Variants in IPO4 observed in about 807,000 individuals in gnomAD.
IPO4 encodes importin 4.
A neutral mutation model predicts 133.5 loss-of-function variants in IPO4; 91 were observed. That is an observed-to-expected ratio of 0.68 (90% CI 0.58 to 0.81). The LOEUF (loss-of-function observed/expected upper bound fraction) is 0.81, where lower values mean the gene tolerates loss of function less well. Among genes scored for constraint, IPO4 ranks in the 30% least tolerant of loss-of-function variants. IPO4 has a pLI of 0.00. For synonymous variants in IPO4, 607 were observed against 581.6 expected (o/e 1.04, Z -0.63); for missense variants, 1,279 against 1,386.2 (o/e 0.92, Z 1.23).
rs999071444 is a variant in IPO4, at chr14:24,187,491, T to A, written c.497A>T (p.Glu166Val). The change falls in exon 6 of 30, where the codon GAG becomes GTG. Residue 166 changes from glutamate to valine, a missense_variant. Around this residue, in one of 3 missense-constraint regions of IPO4, gnomAD observed 695 missense variants for 704.1 expected, o/e 0.99. Coordinates refer to ENST00000354464, the MANE Select transcript of IPO4 (RefSeq NM_024658.4). Reference protein sequence around the residue: ...HHRELLRLLNETLGEVGSPGL... With the variant: ...HHRELLRLLNVTLGEVGSPGL... ...AGGAGAGCCCACCTCACCAAGAGTCTCATTCAGAAGCCGAAGAAGCTCCCG... is the reference window on the plus strand; with the variant it reads ...AGGAGAGCCCACCTCACCAAGAGTCACATTCAGAAGCCGAAGAAGCTCCCG... 6.2e-7 allele frequency: 1 copy of A among 1,613,986 alleles called. No homozygotes were observed. The highest frequency in any genetic ancestry group is 8.5e-7 in the Non-Finnish European group (1 of 1,179,970).
intron 28 of IPO4, 147 bp from the exon 29 acceptor site, chr14:24,180,905 A>G: frequency 1.6e-6 from 1 of 629,552 alleles, no homozygotes; most frequent in Non-Finnish European, 2.7e-6. Flanking sequence ...AACTATGAAC[A>G]TGAGAAGAAC....
rs774465976 is a variant in IPO4, at chr14:24,188,392, C to T, written c.188G>A (p.Arg63Lys). The T allele has an allele frequency of 1.5e-5, 24 of 1,612,790 alleles. No homozygotes were observed. Among genetic ancestry groups the T allele is most frequent in the Non-Finnish European group, 1.9e-5 (23 of 1,179,932 alleles). ...IRQFAAVLTR[R>K]RLNTRWRRLA... ...CCGTCGCCAGCGGGTGTTCAGTCGT[C>T]TGCGGGTCAGCACGGCCGCAAACTG... The change falls in exon 3 of 30, where the codon AGA (arginine) becomes AAA (lysine). Residue 63 changes from arginine to lysine, a missense_variant. Physicochemically the swap from Arg to Lys is conservative, Grantham distance 26. Coordinates refer to ENST00000354464, the MANE Select transcript of IPO4 (RefSeq NM_024658.4).
rs759109989 is a variant in IPO4 at position 24,187,667 on chromosome 14, C to T, written c.408G>A (p.Glu136=). The T allele has an allele frequency of 2.5e-6, 4 of 1,613,702 alleles. No homozygotes were observed. In the Admixed American group the frequency reaches 5.0e-5, roughly 20 times the overall value. Residue 136 remains glutamate, a splice_region_variant and synonymous_variant, in exon 5 of 30, where the codon GAG becomes GAA. Coordinates refer to ENST00000354464, the MANE Select transcript of IPO4 (RefSeq NM_024658.4). ...CCTCCTGCCAACCATGTGATGGTACCTCTCTCTCTGGGCTGTGGGGGCTGT... is the reference window on the plus strand; with the variant it reads ...CCTCCTGCCAACCATGTGATGGTACTTCTCTCTCTGGGCTGTGGGGGCTGT... ...STHSPHSPER[E]MGLLLLSVVV...
rs1469459260 is a variant in IPO4 at position 24,184,043 on chromosome 14, G to A, written c.1824C>T (p.Ile608=). The A allele has an allele frequency of 6.2e-6, 10 of 1,612,612 alleles. No homozygotes were observed. Among genetic ancestry groups the A allele is most frequent in the Non-Finnish European group, 5.9e-6 (7 of 1,179,880 alleles). Residue 608 remains isoleucine (I), a synonymous_variant, in exon 18 of 30, where the codon ATC becomes ATT. Coordinates refer to ENST00000354464, the MANE Select transcript of IPO4 (RefSeq NM_024658.4). ...GEGLAPHLEQ[I]TTLMLLSLRS... The stretch of plus-strand genomic sequence containing the variant: ...GCAGTGACAGCAGCATGAGCGTGGT[G>A]ATCTGTTCCAAGTGGGGCGCCAGGC...
chr14:24,184,205 A>G, intron 17 of IPO4, 93 bp downstream of exon 17: 5 of 1,558,818 alleles, frequency 3.2e-6, no homozygotes, highest in Non-Finnish European at 3.5e-6. Flanking sequence ...TCCAAACCAG[A>G]CGACTGGAGT....
At chr14:24,186,508 A>G in intron 9 of IPO4, 57 bp from the exon 10 acceptor site, 1 of 1,517,362 alleles carries the variant, frequency 6.6e-7, no homozygotes, top group East Asian at 2.3e-5. Context: ...ATGGGCTCAC[A>G]TTAAAAATTC....
Position 24,180,463 on chromosome 14 carries a change from C to T in IPO4, c.3225G>A (p.Gln1075=), listed in dbSNP as rs2273912. ...CAGTCTAGGAGAGGCCCAGTACAGC[C>T]TGGAGCTCCTGAGCCTTGTCAACAG... ...SLPVDKAQEL[Q]AVLGLS The change falls in exon 30 of 30, where the codon CAG becomes CAA. Residue 1075 remains glutamine, a synonymous_variant. Coordinates refer to ENST00000354464, the MANE Select transcript of IPO4 (RefSeq NM_024658.4). 172,136 of 1,611,746 alleles carry T rather than the reference C, an allele frequency of 0.11. 10,590 individuals carry two copies. Among genetic ancestry groups the T allele is most frequent in the Admixed American group, 0.28 (16,602 of 59,604 alleles).
rs1033212795 is a variant in IPO4 at position 24,187,815 on chromosome 14, T to G, written c.279-19A>C. On this transcript the variant is annotated intron_variant, in intron 4 of 29. Transcript: ENST00000354464. ...ACAGTGCCTGCAAACAGGAGAGATC[T>G]CCTCCAATCACCCTTCAATACCTTC... The G allele has an allele frequency of 6.2e-7, 1 of 1,613,524 alleles. No individual in the cohort carries two copies. Among genetic ancestry groups the G allele is most frequent in the African/African-American group, 1.3e-5 (1 of 74,916 alleles).
At position 24,183,086 on chromosome 14, in the gene IPO4, C is replaced by T. The variant is rs754826406; in HGVS notation, c.2311G>A (p.Val771Met). Reference protein sequence around the residue: ...RERERQVVMAVLEALTGVLRS... With the variant: ...RERERQVVMAMLEALTGVLRS... ...AGCACCCCTGTCAGGGCCTCCAGCA[C>T]GGCCATCACCACCTGGCGTTCCCGC... is the stretch of plus-strand genomic sequence containing the variant. Residue 771 changes from valine to methionine, a missense_variant, in exon 23 of 30, where the codon GTG (valine) becomes ATG (methionine). Val to Met is a conservative substitution (Grantham distance 21, BLOSUM62 1). Transcript: ENST00000354464. 15 of 1,613,748 alleles carry T rather than the reference C, an allele frequency of 9.3e-6. No homozygotes were observed. Among genetic ancestry groups the T allele is most frequent in the African/African-American group, 2.7e-5 (2 of 74,930 alleles).
In IPO4 at chr14:24,182,090, G is replaced by A. The variant is rs1203980253; in HGVS notation, c.2672C>T (p.Ala891Val). Residue 891 changes from alanine (A) to valine (V), a missense_variant, in exon 26 of 30, where the codon GCT (alanine) becomes GTT (valine). Around this residue, in one of 3 missense-constraint regions of IPO4, gnomAD observed 575 missense variants for 653.4 expected, o/e 0.88. Transcript: ENST00000354464. ...TLAETIQGLG[A>V]ASAQFVSRLL... ...CCGAGACACAAACTGGGCTGAGGCA[G>A]CACCCAGGCCCTGAATAGTCTCTGC... 6.2e-7 allele frequency: 1 copy of A among 1,614,002 alleles called. No homozygotes were observed. Among genetic ancestry groups the A allele is most frequent in the Non-Finnish European group, 8.5e-7 (1 of 1,180,040 alleles).
Position 24,188,391 on chromosome 14 carries a change from T to C in IPO4, c.189A>G (p.Arg63=), listed in dbSNP as rs771234265. Residue 63 remains arginine, a synonymous_variant, in exon 3 of 30, where the codon AGA becomes AGG. Transcript: ENST00000354464. ...IRQFAAVLTR[R]RLNTRWRRLA... is the part of the protein sequence containing the mutation. Reference sequence around the variant, plus strand: ...GCCGTCGCCAGCGGGTGTTCAGTCGTCTGCGGGTCAGCACGGCCGCAAACT... The same window carrying C: ...GCCGTCGCCAGCGGGTGTTCAGTCGCCTGCGGGTCAGCACGGCCGCAAACT... The C allele has an allele frequency of 1.6e-5, 25 of 1,612,718 alleles. No individual in the cohort carries two copies. Among genetic ancestry groups the C allele is most frequent in the East Asian group, 2.2e-5 (1 of 44,876 alleles).
chr14:24,182,487 G>A (rs2039156994), intron 24 of IPO4, 84 bp from the exon 25 acceptor site: 4 of 1,534,060 alleles, frequency 2.6e-6, no homozygotes, highest in Admixed American at 2.0e-5. Context: ...ACCAGCTGCA[G>A]GGGTCCCTGG....
chr14:24,184,561 C>T (rs773210849), intron 16 of IPO4, 89 bp downstream of exon 16: 17 of 1,405,192 alleles, frequency 1.2e-5, no homozygotes, highest in Admixed American at 7.2e-5. Context: ...GGAAGACATC[C>T]GTGCTCCTGT....
chr14:24,184,115 C>A lies in IPO4; in HGVS notation c.1758-6G>T. The A allele has an allele frequency of 6.2e-7, 1 of 1,611,012 alleles. No homozygotes were observed. Among genetic ancestry groups the A allele is most frequent in the South Asian group, 1.1e-5 (1 of 90,852 alleles). On this transcript the variant is annotated splice_region_variant and splice_polypyrimidine_tract_variant and intron_variant, in intron 17 of 29. Transcript: ENST00000354464. ...AGGCTGCAAATAGGCTGTACCTGGT[C>A]AAAGCAGGCAGAAGAAGCTGTAAGG...
At position 24,180,861 on chromosome 14, in the gene IPO4, T is replaced by C. The variant is rs1403811353; in HGVS notation, c.3046-103A>G. On this transcript the variant is annotated intron_variant, in intron 28 of 29. Transcript: ENST00000354464. ...GCAGAATCTCTTATCAGGGGGGTGG[T>C]TGCACCTGGTACTGATTCACAGGCA... 10 of 864,242 alleles carry C rather than the reference T, an allele frequency of 1.2e-5. No individual in the cohort carries two copies. The African/African-American group carries it at 1.2e-4, about 10-fold the overall frequency. 53.5% of individuals were successfully genotyped at this position (864,242 alleles called of 1,614,324 possible).
At position 24,180,327 on chromosome 14, in the gene IPO4, C is replaced by A; in HGVS notation, c.*115G>T. On this transcript the variant is annotated 3_prime_UTR_variant, in exon 30 of 30. Transcript: ENST00000354464. ...CCTGTAAGGCAGCAAGTGGGGCTGG[C>A]TCCAAATGGGTATGAGTCTCAGAAT... 1 of 1,505,120 alleles carries A rather than the reference C, an allele frequency of 6.6e-7. No homozygotes were observed. The highest frequency in any genetic ancestry group is 8.9e-7 in the Non-Finnish European group (1 of 1,119,932). 93.2% of individuals were successfully genotyped at this position (1,505,120 alleles called of 1,614,324 possible). A position where few individuals can be genotyped will look rare whatever the true frequency, so the allele number is the denominator to read the frequency against.
chr14:24,187,300 C>T (rs987521486), intron 6 of IPO4, 100 bp downstream of exon 6: 9 of 1,496,114 alleles, frequency 6.0e-6, no homozygotes, highest in Admixed American at 1.7e-5. Flanking sequence ...GGAAGGGCCA[C>T]AGGCAGGTAA....
At chr14:24,188,128 C>A in intron 4 of IPO4, 88 bp downstream of exon 4, 1 of 1,361,084 alleles carries the variant, frequency 7.3e-7, no homozygotes, top group Non-Finnish European at 1.0e-6. Context: ...GAAGTCCCTG[C>A]CCCACAAGTC....
chr14:24,180,412 ATTC>A lies in IPO4; in HGVS notation c.*27_*29del. ...TGGTCTTAAGGCCTGGGCAGGCTCT[ATTC>A]TCTCTGGACTGGCTGCAGCCTGCAG... On this transcript the variant is annotated 3_prime_UTR_variant, in exon 30 of 30. Coordinates refer to ENST00000354464, the MANE Select transcript of IPO4 (RefSeq NM_024658.4). The A allele has an allele frequency of 1.3e-6, 2 of 1,596,420 alleles. No individual in the cohort carries two copies. The highest frequency in any genetic ancestry group is 1.7e-6 in the Non-Finnish European group (2 of 1,167,646).
Sources: gnomAD v4.1 joint callset for allele counts on GRCh38, gnomAD v4.1.1 for gene constraint, gnomAD v4.1.1 regional missense constraint, MANE v1.5 for transcripts, NCBI Gene and HGNC (gene_info 2026-07-23, HGNC 2026-07-21) for gene names.